Variants in GRAMD4 observed in about 807,000 individuals in gnomAD.
GRAMD4 encodes GRAM domain-containing protein 4.
GRAMD4 carries 25 observed loss-of-function variants against 83.9 expected under a neutral mutation model. The observed-to-expected ratio is 0.30, with a 90% confidence interval of 0.22 to 0.42. The LOEUF is 0.42. Ranked by LOEUF, GRAMD4 falls within the 10% of genes least tolerant of loss-of-function variation. GRAMD4 has a pLI of 1.00. For synonymous variants in GRAMD4, 336 were observed against 320.9 expected (o/e 1.05, Z -0.50); for missense variants, 593 against 788.7 (o/e 0.75, Z 2.97).
At chr22:46,582,506 C>T (rs991694637) in intron 1 of GRAMD4, among the ~76,000 whole-genome samples, 13 of 152,148 alleles carry the variant, frequency 8.5e-5, no homozygotes, top group Non-Finnish European at 7.3e-5. Context: ...TGTTTGTCTA[C>T]TGTTTACCAC....
intron 5 of GRAMD4, 42 bp downstream of exon 5, chr22:46,661,484 G>A (rs777162919): frequency 5.2e-6 from 7 of 1,341,030 alleles, no homozygotes; most frequent in Middle Eastern, 1.8e-4. Flanking sequence ...CGGGCGGGTG[G>A]GTGGCTGCGC....
At position 46,621,639 on chromosome 22, in the gene GRAMD4, A is replaced by G. The variant is rs13057052; in HGVS notation, c.-50+1074A>G. ...CAGGCTGGAGGCGTAGCCCGGGCCCATCCCTGGCAGTGTGTCGCGGAGGGC... is the reference window on the plus strand; with the variant it reads ...CAGGCTGGAGGCGTAGCCCGGGCCCGTCCCTGGCAGTGTGTCGCGGAGGGC... On this transcript the variant is annotated intron_variant, in intron 1 of 18. Coordinates refer to ENST00000406902, the MANE Select transcript of GRAMD4 (RefSeq NM_015124.5). The surrounding 1 kb of genome is among the most constrained non-coding windows in gnomAD (Gnocchi z 5.8). Among the ~76,000 whole-genome samples, 13 of 82,090 alleles carry G rather than the reference A, an allele frequency of 1.6e-4. No individual in the cohort carries two copies. Among genetic ancestry groups the G allele is most frequent in the Non-Finnish European group, 2.5e-4 (10 of 40,286 alleles). 53.9% of individuals were successfully genotyped at this position (82,090 alleles called of 152,430 possible).
At chr22:46,634,484 G>A (rs1392177420) in intron 2 of GRAMD4, among the ~76,000 whole-genome samples, 2 of 152,244 alleles carry the variant, frequency 1.3e-5, no homozygotes, top group Non-Finnish European at 2.9e-5. Context: ...AGGAGCAAGG[G>A]TGGGCGAATG....
chr22:46,615,056 G>A (rs867270165), intron 1 of GRAMD4, among the ~76,000 whole-genome samples: 1,127 of 36,732 alleles, frequency 0.031, 19 homozygotes, highest in African/African-American at 0.066. Flanking sequence ...TGTGCGTGTA[G>A]GTTCCCCCGT....
chr22:46,614,039 T>C lies in GRAMD4; in HGVS notation c.-49-12712T>C, dbSNP rs573165730. On this transcript the variant is annotated intron_variant, in intron 1 of 1. Coordinates refer to the GRAMD4 transcript ENST00000431155. ...ACGCGGGTTCCCAGGAGCTGATTGA[T>C]GGATTTTCAGGAATTCTGTGAGTTG... Among the ~76,000 whole-genome samples the C allele has an allele frequency of 1.2e-4, 18 of 152,332 alleles. No individual in the cohort carries two copies. The South Asian group carries it at 3.5e-3, about 30-fold the overall frequency.
chr22:46,603,423 G>A (rs7290975), intron 1 of GRAMD4, among the ~76,000 whole-genome samples: 127,821 of 148,244 alleles, frequency 0.86, 55,250 homozygotes, highest in East Asian at 1. Flanking sequence ...GTTAACCAGG[G>A]TGGTCTCGAT....
chr22:46,597,680 G>A (rs184905295), intron 1 of GRAMD4, among the ~76,000 whole-genome samples: 5 of 152,022 alleles, frequency 3.3e-5, no homozygotes, highest in African/African-American at 9.6e-5. Context: ...TAGTAGAGAC[G>A]GGGTTTCACC....
At chr22:46,655,013 G>C (rs2082221654) in intron 3 of GRAMD4, among the ~76,000 whole-genome samples, 1 of 152,238 alleles carries the variant, frequency 6.6e-6, no homozygotes, top group Admixed American at 6.5e-5. Context: ...GGCTACGCCA[G>C]ATGGGGGGGC....
At chr22:46,661,883 A>T (rs150350582) in intron 5 of GRAMD4, among the ~76,000 whole-genome samples, 4,742 of 151,982 alleles carry the variant, frequency 0.031, 167 homozygotes, top group Admixed American at 0.1. Context: ...GTGCCCTTTT[A>T]TCTCTCTCCT....
chr22:46,624,323 C>G (rs1212154437), intron 1 of GRAMD4, among the ~76,000 whole-genome samples: 1 of 82,758 alleles, frequency 1.2e-5, no homozygotes, highest in Non-Finnish European at 2.2e-5. Flanking sequence ...GTTCCCTCTT[C>G]CTTTTTTTTT....
At chr22:46,616,221 C>T (rs112492563), upstream of GRAMD4, among the ~76,000 whole-genome samples, 3 of 9,430 alleles carry the variant, frequency 3.2e-4, no homozygotes, top group Admixed American at 1.6e-3. Flanking sequence ...TTCCCCTGTG[C>T]GTGTAGGTTC....
In GRAMD4 at chr22:46,672,873, T is replaced by C. The variant is rs367633187; in HGVS notation, c.1115T>C (p.Ile372Thr). 9 of 1,612,944 alleles carry C rather than the reference T, an allele frequency of 5.6e-6. No homozygotes were observed. Among genetic ancestry groups the C allele is most frequent in the East Asian group, 2.2e-5 (1 of 44,882 alleles). ...GLYAGIKFFL[I>T]DFIFKRCPRL... Reference sequence around the variant, plus strand: ...TATGCTGGTATCAAGTTCTTCCTCATTGATTTCATCTTTAAACGCTGCCCG... The same window carrying C: ...TATGCTGGTATCAAGTTCTTCCTCACTGATTTCATCTTTAAACGCTGCCCG... Residue 372 changes from isoleucine to threonine, a missense_variant, in exon 14 of 19, where the codon ATT becomes ACT. Around this residue, in one of 4 missense-constraint regions of GRAMD4, gnomAD observed 171 missense variants for 199.6 expected, o/e 0.86. Transcript: ENST00000406902. This position sits in a 1 kb window ranked among gnomAD's most constrained non-coding sequence, Gnocchi z 4.7.
chr22:46,658,697 A>AC (rs969125671), intron 4 of GRAMD4, among the ~76,000 whole-genome samples: 21 of 150,358 alleles, frequency 1.4e-4, no homozygotes, highest in African/African-American at 5.2e-4. Context: ...CCAGTGCCCC[A>AC]CCCCGGGGGC....
chr22:46,638,453 C>T (rs1022791341), intron 3 of GRAMD4, among the ~76,000 whole-genome samples: 2 of 152,208 alleles, frequency 1.3e-5, no homozygotes, highest in Admixed American at 6.5e-5. Context: ...CTTGGCCAGG[C>T]GTGCCTGGTT....
intron 1 of GRAMD4, among the ~76,000 whole-genome samples, chr22:46,589,172 T>A (rs111493333): frequency 6.6e-6 from 1 of 151,546 alleles, no homozygotes; most frequent in Non-Finnish European, 1.5e-5. Context: ...CCTGGCTCAG[T>A]GTCCTTGTCC....
chr22:46,672,310 C>T lies in GRAMD4; in HGVS notation c.1085-533C>T, dbSNP rs967742971. ...GCTGGTGGAGGGGAACTTGCGAGGGCGTGGCTGGGAGCCGTCTGAGCAGCT... is the reference window on the plus strand; with the variant it reads ...GCTGGTGGAGGGGAACTTGCGAGGGTGTGGCTGGGAGCCGTCTGAGCAGCT... On this transcript the variant is annotated intron_variant, in intron 13 of 18. Transcript: ENST00000406902. This position sits in a 1 kb window ranked among gnomAD's most constrained non-coding sequence, Gnocchi z 4.7. 1.0e-4 allele frequency among the ~76,000 whole-genome samples: 15 copies of T among 149,904 alleles called. No individual in the cohort carries two copies. Among genetic ancestry groups the T allele is most frequent in the African/African-American group, 2.9e-4 (12 of 40,838 alleles).
rs1047339198 is a variant in GRAMD4 at position 46,658,974 on chromosome 22, G to A, written c.404+667G>A. Among the ~76,000 whole-genome samples, 10 of 152,092 alleles carry A rather than the reference G, an allele frequency of 6.6e-5. No individual in the cohort carries two copies. In the East Asian group the frequency reaches 7.7e-4, roughly 12 times the overall value. On this transcript the variant is annotated intron_variant, in intron 4 of 18. Transcript: ENST00000406902. ...ACCCTGCCCTGCGCCTCACAGTGCCGCCAGCAGGAAGCAGGTCATTCAGGA... is the reference window on the plus strand; with the variant it reads ...ACCCTGCCCTGCGCCTCACAGTGCCACCAGCAGGAAGCAGGTCATTCAGGA...
intron 1 of GRAMD4, among the ~76,000 whole-genome samples, chr22:46,595,828 C>G (rs1318101993): frequency 1.3e-5 from 2 of 152,272 alleles, no homozygotes; most frequent in East Asian, 3.9e-4. Context: ...TGAAACACGA[C>G]TTGTCCAGAT....
rs1212668478 is a variant in GRAMD4 at position 46,604,863 on chromosome 22, CTGGGTT to C, written c.-49-21887_-49-21882del. Among the ~76,000 whole-genome samples the C allele has an allele frequency of 1.5e-3, 210 of 143,320 alleles. 1 individual carries two copies. Among genetic ancestry groups the C allele is most frequent in the Non-Finnish European group, 1.8e-3 (121 of 65,580 alleles). The allele number at this position is 143,320 out of a possible 152,430, so 94.0% of individuals were successfully genotyped here. A position where few individuals can be genotyped will look rare whatever the true frequency, so the allele number is the denominator to read the frequency against. On this transcript the variant is annotated intron_variant, in intron 1 of 1. Coordinates refer to the GRAMD4 transcript ENST00000431155. ...CCAGGTTTTGGTGCCATAATGTTCT[CTGGGTT>C]CACCCAGGTTTTGGTGCCATAATGT...
Sources: allele counts gnomAD v4.1 joint callset (sites outside exome capture counted in the v4.1 genomes callset), GRCh38; gene constraint gnomAD v4.1.1; regional missense constraint gnomAD v4.1.1; non-coding constraint Gnocchi (gnomAD v3.1); transcripts MANE v1.5; gene names NCBI Gene and HGNC (gene_info 2026-07-23, HGNC 2026-07-21).